Variants in CKM observed in about 807,000 individuals in gnomAD.
CKM encodes the protein creatine kinase M-type.
Under a neutral mutation model 35.4 loss-of-function variants are expected in CKM, and 28 were observed. The observed-to-expected ratio is 0.79, with a 90% CI of 0.59 to 1.08. CKM has a LOEUF of 1.08. Among genes scored for constraint, CKM ranks in the 50% least tolerant of loss-of-function variants. CKM has a pLI of 0.00. For missense variants in CKM, 484 were observed against 509.8 expected, an observed-to-expected ratio of 0.95 and a Z score of 0.49; for synonymous variants, 215 against 204.4, an observed-to-expected ratio of 1.05 and a Z score of -0.44.
chr19:45,314,772 C>T (rs1258623381), intron 4 of CKM, among the ~76,000 whole-genome samples: 1 of 151,770 alleles, frequency 6.6e-6, no homozygotes, highest in Non-Finnish European at 1.5e-5. Context: ...AGTGCAGTGG[C>T]ACAATCACGA....
intron 1 of CKM, among the ~76,000 whole-genome samples, chr19:45,321,462 C>G (rs1292966477): frequency 6.6e-6 from 1 of 152,102 alleles, no homozygotes; most frequent in African/African-American, 2.4e-5. Context: ...TGTGTGACCC[C>G]AGGCCAGTCA....
intron 2 of CKM, 40 bp from the exon 3 acceptor site, chr19:45,318,019 G>C (rs2123143595): frequency 1.2e-6 from 2 of 1,600,348 alleles, no homozygotes; most frequent in Non-Finnish European, 1.7e-6. Flanking sequence ...CTTGTCCCCA[G>C]CAAACAGGGC....
chr19:45,310,084 T>G (rs1009817879), intron 5 of CKM, among the ~76,000 whole-genome samples: 12 of 151,044 alleles, frequency 7.9e-5, no homozygotes, highest in African/African-American at 2.9e-4. Flanking sequence ...ATAACCAAGA[T>G]GTACTGAACA....
rs1177415347 is a variant in CKM, at chr19:45,317,954, G to A, written c.219C>T (p.Gly73=). Residue 73 remains glycine (G), a synonymous_variant, in exon 3 of 8, where the codon GGC becomes GGT. Coordinates refer to ENST00000221476, the MANE Select transcript of CKM (RefSeq NM_001824.5). ...AGGACTCCTCATCACCAGCCACGCA[G>A]CCCACGGTCATGATGAAGGGGTGAC... is the stretch of plus-strand genomic sequence containing the variant. ...NPGHPFIMTV[G]CVAGDEESYE... 1 of 1,614,014 alleles carries A rather than the reference G, an allele frequency of 6.2e-7. No individual in the cohort carries two copies. The highest frequency in any genetic ancestry group is 8.5e-7 in the Non-Finnish European group (1 of 1,179,974).
chr19:45,314,544 G>T (rs916856574), intron 4 of CKM, among the ~76,000 whole-genome samples: 1 of 151,868 alleles, frequency 6.6e-6, no homozygotes, highest in Admixed American at 6.6e-5. Context: ...CTCCCAAGTC[G>T]CTGGGATTAC....
chr19:45,319,845 C>T (rs1228387616), intron 1 of CKM, 114 bp from the exon 2 acceptor site: 28 of 819,696 alleles, frequency 3.4e-5, no homozygotes, highest in Non-Finnish European at 5.1e-5. Flanking sequence ...GGCTGGAGTG[C>T]AGTGGCACGA....
At chr19:45,317,743 G>A in intron 3 of CKM, 82 bp downstream of exon 3, 1 of 1,450,298 alleles carries the variant, frequency 6.9e-7, no homozygotes, top group Non-Finnish European at 9.7e-7. Context: ...CTCTGTCTCT[G>A]TATTTCTCTG....
At position 45,306,421 on chromosome 19, in the gene CKM, C is replaced by G; in HGVS notation, c.*329G>C. On this transcript the variant is annotated 3_prime_UTR_variant, in exon 8 of 8. Coordinates refer to ENST00000221476, the MANE Select transcript of CKM (RefSeq NM_001824.5). This position sits in a 1 kb window ranked among gnomAD's most constrained non-coding sequence, Gnocchi z 4.5. ...TAACTATCGCACAAAGCTAAGGCCACCAATGCTTTTATTTATCGCTTTGCG... is the reference window on the plus strand; with the variant it reads ...TAACTATCGCACAAAGCTAAGGCCAGCAATGCTTTTATTTATCGCTTTGCG... 7.4e-6 allele frequency: 3 copies of G among 404,116 alleles called. No homozygotes were observed. Among genetic ancestry groups the G allele is most frequent in the Non-Finnish European group, 1.4e-5 (3 of 215,474 alleles). The allele number at this position is 404,116 out of a possible 1,614,324, so 25.0% of individuals were successfully genotyped here. A position where few individuals can be genotyped will look rare whatever the true frequency, so the allele number is the denominator to read the frequency against.
chr19:45,309,354 A>G (rs774676369), intron 5 of CKM, among the ~76,000 whole-genome samples: 1 of 152,024 alleles, frequency 6.6e-6, no homozygotes, highest in Non-Finnish European at 1.5e-5. Context: ...CAGGAGTTCA[A>G]GACTACCCTG....
At chr19:45,321,345 C>T (rs1435296888) in intron 1 of CKM, among the ~76,000 whole-genome samples, 4 of 152,104 alleles carry the variant, frequency 2.6e-5, no homozygotes, top group Non-Finnish European at 5.9e-5. Flanking sequence ...GTAGCTGCCC[C>T]CACCTCTGCC....
At position 45,307,487 on chromosome 19, in the gene CKM, C is replaced by A. The variant is rs1313579937; in HGVS notation, c.941G>T (p.Arg314Leu). The A allele has an allele frequency of 9.9e-6, 16 of 1,613,764 alleles. No individual in the cohort carries two copies. Among genetic ancestry groups the A allele is most frequent in the Non-Finnish European group, 1.4e-5 (16 of 1,179,862 alleles). The change falls in exon 7 of 8, where the codon CGC (arginine) becomes CTC (leucine). Residue 314 changes from arginine to leucine, a missense_variant. Coordinates refer to ENST00000221476, the MANE Select transcript of CKM (RefSeq NM_001824.5). ...KHPKFEEILTRLRLQKRGTGG... is the reference protein window; with the variant it reads ...KHPKFEEILTLLRLQKRGTGG... ...TGTACCCCTCTTCTGCAGACGCAGG[C>A]GGGTGAGGATCTCCTCGAACTTGGG... is the stretch of plus-strand genomic sequence containing the variant.
chr19:45,311,687 G>A, intron 5 of CKM, 62 bp downstream of exon 5: 2 of 1,397,408 alleles, frequency 1.4e-6, no homozygotes, highest in Non-Finnish European at 1.9e-6. Context: ...AGTGAGGAGG[G>A]CCGTTGCAGG....
intron 2 of CKM, among the ~76,000 whole-genome samples, chr19:45,318,426 G>A (rs1018130991): frequency 3.3e-5 from 5 of 150,766 alleles, no homozygotes; most frequent in Non-Finnish European, 5.9e-5. Flanking sequence ...AAAAAAAAAA[G>A]AGAGAACACT....
chr19:45,306,613 C>T lies in CKM; in HGVS notation c.*137G>A, dbSNP rs1245433774. 1.2e-6 allele frequency: 1 copy of T among 860,720 alleles called. No homozygotes were observed. The highest frequency in any genetic ancestry group is 1.9e-6 in the Non-Finnish European group (1 of 531,396). The allele number at this position is 860,720 out of a possible 1,614,324, so 53.3% of individuals were successfully genotyped here. On this transcript the variant is annotated 3_prime_UTR_variant, in exon 8 of 8. Coordinates refer to ENST00000221476, the MANE Select transcript of CKM (RefSeq NM_001824.5). This position sits in a 1 kb window ranked among gnomAD's most constrained non-coding sequence, Gnocchi z 4.5. ...GTTGGAACTCTGGTTGAAACTGGAA[C>T]TCTGAGAAGGGTGGAGAGAGCCCCC... is the stretch of plus-strand genomic sequence containing the variant.
At chr19:45,315,409 G>A in intron 4 of CKM, 56 bp downstream of exon 4, 5 of 1,582,396 alleles carry the variant, frequency 3.2e-6, no homozygotes, top group Admixed American at 1.7e-5. Flanking sequence ...CCTGCCCATG[G>A]AGGAACAGAG....
intron 4 of CKM, among the ~76,000 whole-genome samples, chr19:45,314,926 G>A (rs1971142822): frequency 6.6e-6 from 1 of 151,658 alleles, no homozygotes; most frequent in African/African-American, 2.4e-5. Flanking sequence ...TGCCCAGTCT[G>A]GTCTTGAACT....
chr19:45,319,478 A>G, intron 2 of CKM, 43 bp downstream of exon 2: 2 of 1,538,122 alleles, frequency 1.3e-6, no homozygotes, highest in Non-Finnish European at 1.8e-6. Flanking sequence ...CAGCCTCCAG[A>G]GCCCCCATGT....
chr19:45,315,322 C>T (rs1258712703), intron 4 of CKM, 143 bp downstream of exon 4: 17 of 912,388 alleles, frequency 1.9e-5, no homozygotes, highest in East Asian at 5.3e-5. Context: ...TGACAGCCCG[C>T]GCCATTCCCC....
At position 45,311,794 on chromosome 19, in the gene CKM, A is replaced by G; in HGVS notation, c.608T>C (p.Leu203Pro). 6.2e-7 allele frequency: 1 copy of G among 1,607,234 alleles called. No homozygotes were observed. The highest frequency in any genetic ancestry group is 8.5e-7 in the Non-Finnish European group (1 of 1,176,888). The change falls in exon 5 of 8, where the codon CTG becomes CCG. Residue 203 changes from leucine (L) to proline (P), a missense_variant. Physicochemically the swap from Leu to Pro is moderately conservative, Grantham distance 98. Coordinates refer to ENST00000221476, the MANE Select transcript of CKM (RefSeq NM_001824.5). ...LFDKPVSPLL[L>P]ASGMARDWPD... is the part of the protein sequence containing the mutation. ...CCAGTCGCGGGCCATGCCTGAGGCC[A>G]GCAGCAGCGGGGACACGGGCTTGTC...
Sources: gnomAD v4.1 joint callset for allele counts (sites outside exome capture counted in the v4.1 genomes callset) on GRCh38, gnomAD v4.1.1 for gene constraint, Gnocchi (gnomAD v3.1) non-coding constraint, MANE v1.5 for transcripts, NCBI Gene and HGNC (gene_info 2026-07-23, HGNC 2026-07-21) for gene names.